DRC3: variants seen among roughly 807,000 people sequenced by gnomAD.
DRC3 encodes the protein leucine rich repeat containing 48.
A neutral mutation model predicts 57.6 loss-of-function variants in DRC3; 45 were observed. That is an observed-to-expected ratio of 0.78 (90% confidence interval 0.62 to 1.00). The LOEUF (loss-of-function observed/expected upper bound fraction) is 1.00. Ranked by LOEUF, DRC3 falls within the 50% of genes least tolerant of loss-of-function variation. The pLI is 0.00. For missense variants in DRC3, 655 were observed against 675.2 expected (o/e 0.97, Z 0.33); for synonymous variants, 257 against 272.3 (o/e 0.94, Z 0.55).
chr17:17,984,007 C>A, intron 4 of DRC3, 63 bp downstream of exon 4: 1 of 1,056,024 alleles, frequency 9.5e-7, no homozygotes, highest in Non-Finnish European at 1.4e-6. Flanking sequence ...AGGTTATTGC[C>A]TTCCCAGGAG....
At position 18,007,140 on chromosome 17, in the gene DRC3, TGC is replaced by T; in HGVS notation, c.1325_1326del (p.Leu443PhefsTer4). On this transcript the variant is annotated frameshift_variant, in exon 12 of 14. Transcript: ENST00000399187. LOFTEE classifies it high-confidence loss of function. ...CTGGACGAGGACCTGCCTAACGACC[TGC>T]GCGCGGTAGGCGGGGCGGGCTGCTC... 10 of 880,986 alleles carry T rather than the reference TGC, an allele frequency of 1.1e-5. No individual in the cohort carries two copies. The highest frequency in any genetic ancestry group is 1.4e-5 in the Non-Finnish European group (10 of 716,002). The allele number at this position is 880,986 out of a possible 1,614,324, so 54.6% of individuals were successfully genotyped here. A position where few individuals can be genotyped will look rare whatever the true frequency, so the allele number is the denominator to read the frequency against.
intron 9 of DRC3, among the ~76,000 whole-genome samples, chr17:18,004,119 A>G (rs1162011687): frequency 1.3e-5 from 2 of 152,098 alleles, no homozygotes; most frequent in Non-Finnish European, 2.9e-5. Flanking sequence ...AGAGCCTCAC[A>G]TGTGTTCTCT....
At chr17:17,989,908 GT>G (rs2043145866) in intron 5 of DRC3, among the ~76,000 whole-genome samples, 1 of 152,214 alleles carries the variant, frequency 6.6e-6, no homozygotes. Context: ...GAAGCCGGAG[GT>G]AAGCTGAGCC....
At chr17:18,004,224 C>T in intron 9 of DRC3, 139 bp from the exon 10 acceptor site, 1 of 898,052 alleles carries the variant, frequency 1.1e-6, no homozygotes, top group Non-Finnish European at 1.7e-6. Flanking sequence ...CTTTCAGAGC[C>T]AGCAAATGGC....
intron 12 of DRC3, among the ~76,000 whole-genome samples, chr17:18,014,552 T>C (rs2044286873): frequency 6.6e-6 from 1 of 152,240 alleles, no homozygotes; most frequent in South Asian, 2.1e-4. Flanking sequence ...TCACACAGTT[T>C]TTCATAACCA....
intron 12 of DRC3, among the ~76,000 whole-genome samples, chr17:18,012,291 A>G (rs964996086): frequency 6.6e-6 from 1 of 152,196 alleles, no homozygotes; most frequent in African/African-American, 2.4e-5. Context: ...TTTTGCTGGG[A>G]AAACTGGATA....
At chr17:18,004,769 A>C in intron 10 of DRC3, 1 of 406,748 alleles carries the variant, frequency 2.5e-6, no homozygotes, top group Non-Finnish European at 4.5e-6. Flanking sequence ...TTTTGATTAG[A>C]CCCCTGGAGC....
intron 3 of DRC3, among the ~76,000 whole-genome samples, chr17:17,980,722 G>A (rs2042636112): frequency 6.6e-6 from 1 of 151,416 alleles, no homozygotes. Context: ...AGCCTCCAGA[G>A]TAGCTGGGAC....
chr17:18,009,365 T>G (rs1343858132), intron 12 of DRC3, among the ~76,000 whole-genome samples: 1 of 152,162 alleles, frequency 6.6e-6, no homozygotes, highest in African/African-American at 2.4e-5. Flanking sequence ...ACTGTGCCAC[T>G]GCACTCCAGT....
chr17:18,007,183 T>TCGG (rs1378320201), intron 12 of DRC3, 36 bp downstream of exon 12: 4 of 1,097,194 alleles, frequency 3.6e-6, no homozygotes, highest in African/African-American at 3.1e-5. Flanking sequence ...CTGACAGATG[T>TCGG]GGTCCAGCCC....
At position 18,016,839 on chromosome 17, in the gene DRC3, A is replaced by C; in HGVS notation, c.*168A>C. 1 of 509,976 alleles carries C rather than the reference A, an allele frequency of 2.0e-6. No homozygotes were observed. The highest frequency in any genetic ancestry group is 3.5e-6 in the Non-Finnish European group (1 of 287,160). The allele number at this position is 509,976 out of a possible 1,614,324, so 31.6% of individuals were successfully genotyped here. A position where few individuals can be genotyped will look rare whatever the true frequency, so the allele number is the denominator to read the frequency against. ...CTGGAAAAACTTCCAAAAGTAGAGA[A>C]AATAAAGGACTCATTTCACATTTCC... On this transcript the variant is annotated 3_prime_UTR_variant, in exon 14 of 14. Transcript: ENST00000399187.
chr17:17,983,775 A>G, intron 3 of DRC3, 53 bp from the exon 4 acceptor site: 1 of 1,326,544 alleles, frequency 7.5e-7, no homozygotes, highest in Non-Finnish European at 1.1e-6. Context: ...CCTGTACACT[A>G]GCACAAAACT....
At chr17:18,006,502 C>T (rs1597633527) in intron 11 of DRC3, 1 of 554,708 alleles carries the variant, frequency 1.8e-6, no homozygotes, top group Non-Finnish European at 3.2e-6. Context: ...CCCTGTGTTG[C>T]AGGCAAGCAC....
chr17:18,004,533 G>T (rs750412218), intron 10 of DRC3, 39 bp downstream of exon 10: 1 of 1,591,622 alleles, frequency 6.3e-7, no homozygotes, highest in South Asian at 1.1e-5. Context: ...AGAATCTGGC[G>T]ATGCAGCTGC....
At chr17:17,994,087 A>C in intron 6 of DRC3, 1 of 557,092 alleles carries the variant, frequency 1.8e-6, no homozygotes, top group Non-Finnish European at 3.0e-6. Flanking sequence ...TCTTTCCCTG[A>C]TTTCCCTGCG....
chr17:17,992,475 C>A (rs375667914), intron 5 of DRC3, among the ~76,000 whole-genome samples: 1 of 152,118 alleles, frequency 6.6e-6, no homozygotes, highest in Non-Finnish European at 1.5e-5. Flanking sequence ...CAGATGTGGA[C>A]GTTGAAGCTC....
intron 3 of DRC3, 61 bp from the exon 4 acceptor site, chr17:17,983,767 T>C: frequency 8.0e-7 from 1 of 1,247,212 alleles, no homozygotes; most frequent in Non-Finnish European, 1.2e-6. Flanking sequence ...TCACTCCTCC[T>C]GTACACTAGC....
chr17:17,994,684 G>A (rs1002591897), intron 7 of DRC3, among the ~76,000 whole-genome samples: 1 of 152,196 alleles, frequency 6.6e-6, no homozygotes, highest in Non-Finnish European at 1.5e-5. Flanking sequence ...CAGTCTGTCA[G>A]AGGCCCCTTA....
At chr17:18,006,124 T>G in intron 10 of DRC3, 59 bp from the exon 11 acceptor site, 1 of 1,310,310 alleles carries the variant, frequency 7.6e-7, no homozygotes. Flanking sequence ...GAGGAGTACC[T>G]TTTGCTCTGT....
Sources: gnomAD v4.1 joint callset for allele counts (sites outside exome capture counted in the v4.1 genomes callset) on GRCh38, gnomAD v4.1.1 for gene constraint, MANE v1.5 for transcripts, NCBI Gene and HGNC (gene_info 2026-07-23, HGNC 2026-07-21) for gene names.